The following TP53BP1 variants were observed in gnomAD, a reference collection of about 807,000 sequenced individuals.
The protein encoded by TP53BP1 is TP53-binding protein 1.
A neutral mutation model predicts 200.8 loss-of-function variants in TP53BP1; 61 were observed. That is an observed-to-expected ratio of 0.30 (90% CI 0.25 to 0.38). The LOEUF (loss-of-function observed/expected upper bound fraction) is 0.38, where lower values mean the gene tolerates loss of function less well. Ranked by LOEUF, TP53BP1 falls within the 10% of genes least tolerant of loss-of-function variation. The pLI is 1.00. For missense variants in TP53BP1, 2,144 were observed against 2,371.9 expected, an observed-to-expected ratio of 0.90 and a Z score of 2.00; for synonymous variants, 822 against 844.3, an observed-to-expected ratio of 0.97 and a Z score of 0.46.
At chr15:43,445,456 A>G (rs1392526583) in intron 14 of TP53BP1, among the ~76,000 whole-genome samples, 1 of 152,124 alleles carries the variant, frequency 6.6e-6, no homozygotes, top group African/African-American at 2.4e-5. Context: ...TTCCTCTTCT[A>G]ATCCCCCTTA....
chr15:43,450,195 G>T (rs1303029766), intron 12 of TP53BP1, among the ~76,000 whole-genome samples: 6 of 152,314 alleles, frequency 3.9e-5, no homozygotes, highest in Middle Eastern at 3.4e-3. Flanking sequence ...CTGAGTGGGA[G>T]TATGTGTCCT....
chr15:43,500,087 C>T (rs759983881), intron 1 of TP53BP1, among the ~76,000 whole-genome samples: 42 of 152,196 alleles, frequency 2.8e-4, no homozygotes, highest in Non-Finnish European at 4.4e-4. Flanking sequence ...CTCCTAACTA[C>T]GTCTTTGACC....
intron 16 of TP53BP1, among the ~76,000 whole-genome samples, chr15:43,435,078 C>T (rs542738939): frequency 3.4e-4 from 51 of 151,932 alleles, no homozygotes; most frequent in African/African-American, 1.0e-3. Context: ...CTGGCCAACA[C>T]GGCAAAACCC....
intron 24 of TP53BP1, among the ~76,000 whole-genome samples, chr15:43,410,143 C>T (rs2045069433): frequency 1.3e-5 from 2 of 152,206 alleles, no homozygotes; most frequent in Admixed American, 1.3e-4. Context: ...CCCATTTCCT[C>T]TAGTTCTGCC....
In TP53BP1 at chr15:43,446,563, A is replaced by G. The variant is rs369284470; in HGVS notation, c.2864T>C (p.Ile955Thr). 4 of 1,613,974 alleles carry G rather than the reference A, an allele frequency of 2.5e-6. No homozygotes were observed. In the African/African-American group the frequency reaches 4.0e-5, roughly 16 times the overall value. Residue 955 changes from isoleucine (I) to threonine (T), a missense_variant, in exon 14 of 28, where the codon ATA becomes ACA. Physicochemically the swap from Ile to Thr is moderately conservative, Grantham distance 89 (BLOSUM62 -1). Around this residue, in one of 4 missense-constraint regions of TP53BP1, gnomAD observed 1,700 missense variants for 1,710.3 expected, o/e 0.99. Transcript: ENST00000382044. ...IGISNYPEST[I>T]ATSDVMSESM... ...TTCAGACATGACATCACTGGTTGCT[A>G]TGGTGCTTTCTGGATAGTTGCTAAT... is the stretch of plus-strand genomic sequence containing the variant.
intron 4 of TP53BP1, among the ~76,000 whole-genome samples, chr15:43,484,762 T>G (rs1338095376): frequency 1.3e-5 from 2 of 151,858 alleles, no homozygotes; most frequent in African/African-American, 2.4e-5. Flanking sequence ...TTTTGTTTTT[T>G]TTTTTTAAGA....
At chr15:43,507,065 G>A (rs1028427615) in intron 1 of TP53BP1, among the ~76,000 whole-genome samples, 21 of 152,030 alleles carry the variant, frequency 1.4e-4, no homozygotes, top group African/African-American at 4.8e-4. Context: ...CTCCCACTCT[G>A]TGGAATGTAC....
chr15:43,446,253 A>G, intron 14 of TP53BP1, 134 bp downstream of exon 14: 1 of 715,114 alleles, frequency 1.4e-6, no homozygotes, highest in South Asian at 2.1e-5. Context: ...AAAGCAAAGA[A>G]TTAAATCTAT....
intron 4 of TP53BP1, among the ~76,000 whole-genome samples, chr15:43,487,783 CA>C (rs35455276): frequency 0.37 from 35,006 of 93,614 alleles, 7,144 homozygotes; most frequent in African/African-American, 0.66. Flanking sequence ...GACTCCATCT[CA>C]AAAAAAAAAA....
intron 1 of TP53BP1, among the ~76,000 whole-genome samples, chr15:43,507,216 C>A (rs1263863932): frequency 6.6e-6 from 1 of 152,058 alleles, no homozygotes; most frequent in Non-Finnish European, 1.5e-5. Flanking sequence ...CTCACTGCAA[C>A]CTCCACTTCC....
intron 10 of TP53BP1, among the ~76,000 whole-genome samples, chr15:43,472,543 G>C (rs1286540138): frequency 6.6e-6 from 1 of 152,154 alleles, no homozygotes; most frequent in East Asian, 1.9e-4. Context: ...GTCGTCAAAG[G>C]AGTAAATGAA....
In TP53BP1 at chr15:43,462,497, G is replaced by C. The variant is rs1340143025; in HGVS notation, c.1390-5279C>G. Among the ~76,000 whole-genome samples, 4 of 151,708 alleles carry C rather than the reference G, an allele frequency of 2.6e-5. No individual in the cohort carries two copies. The East Asian group carries it at 7.8e-4, about 29-fold the overall frequency. On this transcript the variant is annotated intron_variant, in intron 11 of 27. Transcript: ENST00000382044. Reference sequence around the variant, plus strand: ...GCTAATTTTTTTTTTCTTTTGGTGGGTAGAGACGGGGGCCTCACTATGTTG... The same window carrying C: ...GCTAATTTTTTTTTTCTTTTGGTGGCTAGAGACGGGGGCCTCACTATGTTG...
intron 4 of TP53BP1, among the ~76,000 whole-genome samples, chr15:43,482,662 G>T (rs2078990105): frequency 6.6e-6 from 1 of 152,198 alleles, no homozygotes; most frequent in Non-Finnish European, 1.5e-5. Context: ...CAGCTACTGG[G>T]GAGGCTGAGG....
At chr15:43,481,378 T>C (rs1163336564) in intron 4 of TP53BP1, among the ~76,000 whole-genome samples, 1 of 151,658 alleles carries the variant, frequency 6.6e-6, no homozygotes. Flanking sequence ...CAGAAGTATT[T>C]TAGTAAAAAA....
chr15:43,460,426 A>C (rs1475096276), intron 11 of TP53BP1, among the ~76,000 whole-genome samples: 1 of 152,002 alleles, frequency 6.6e-6, no homozygotes, highest in African/African-American at 2.4e-5. Context: ...AGAGCCAGGT[A>C]ATTTTTGTAT....
intron 4 of TP53BP1, among the ~76,000 whole-genome samples, chr15:43,487,501 C>T (rs1186268343): frequency 1.3e-5 from 2 of 152,060 alleles, no homozygotes. Flanking sequence ...ACAGAAAAAC[C>T]TGTACATATG....
intron 14 of TP53BP1, among the ~76,000 whole-genome samples, 175 bp from the exon 15 acceptor site, chr15:43,441,758 ATTTC>A (rs2045930117): frequency 6.6e-6 from 1 of 152,160 alleles, no homozygotes; most frequent in African/African-American, 2.4e-5. Flanking sequence ...TTATTTATTT[ATTTC>A]TTTATTTTGA....
intron 4 of TP53BP1, 69 bp downstream of exon 4, chr15:43,491,600 G>C (rs541927376): frequency 1.7e-6 from 2 of 1,152,384 alleles, no homozygotes; most frequent in African/African-American, 3.0e-5. Context: ...CTTGGGATGA[G>C]GCAACAGGTA....
chr15:43,462,094 G>A (rs1404482145), intron 11 of TP53BP1, among the ~76,000 whole-genome samples: 1 of 150,698 alleles, frequency 6.6e-6, no homozygotes, highest in East Asian at 2.0e-4. Context: ...CACATTGGGA[G>A]GCTGAGGCAG....
Sources: gnomAD v4.1 joint callset for allele counts (sites outside exome capture counted in the v4.1 genomes callset) on GRCh38, gnomAD v4.1.1 for gene constraint, gnomAD v4.1.1 regional missense constraint, MANE v1.5 for transcripts, NCBI Gene and HGNC (gene_info 2026-07-23, HGNC 2026-07-21) for gene names.